The following NCOA3 variants were observed in gnomAD, a reference collection of about 807,000 sequenced individuals.
NCOA3 encodes nuclear receptor coactivator 3.
NCOA3 carries 51 observed loss-of-function variants against 158.8 expected under a neutral mutation model. That is an observed-to-expected ratio of 0.32 (90% CI 0.26 to 0.41). The LOEUF (loss-of-function observed/expected upper bound fraction) is 0.41, where lower values mean the gene tolerates loss of function less well. Among genes scored for constraint, NCOA3 ranks in the 10% least tolerant of loss-of-function variants. The pLI is 1.00. For missense variants in NCOA3, 1,510 were observed against 1,746.6 expected (o/e 0.86, Z 2.41); for synonymous variants, 537 against 592.4 (o/e 0.91, Z 1.36).
At chr20:47,596,064 C>A (rs866231456) in intron 2 of NCOA3, among the ~76,000 whole-genome samples, 11 of 152,154 alleles carry the variant, frequency 7.2e-5, no homozygotes, top group African/African-American at 2.7e-4. Context: ...GAAGGCTATT[C>A]TTGAACCCAC....
intron 2 of NCOA3, among the ~76,000 whole-genome samples, chr20:47,587,982 T>G (rs1343976102): frequency 6.6e-6 from 1 of 152,112 alleles, no homozygotes; most frequent in Non-Finnish European, 1.5e-5. Flanking sequence ...CAGAATTGGT[T>G]TTTTCATTTC....
Position 47,522,099 on chromosome 20 carries a change from C to CTTTTTTTTTTTTTTTTTTTT in NCOA3, c.-99+20084_-99+20103dup, listed in dbSNP as rs772811888. On this transcript the variant is annotated intron_variant, in intron 1 of 22. Transcript: ENST00000371998. ...GTTTTGTAGTTACCATTGTACAGAT[C>CTTTTTTTTTTTTTTTTTTTT]TTTTTTTTTTTTTTTTTTTTTTTGA... is the stretch of plus-strand genomic sequence containing the variant. Among the ~76,000 whole-genome samples, 45 of 76,834 alleles carry CTTTTTTTTTTTTTTTTTTTT rather than the reference C, an allele frequency of 5.9e-4. 3 individuals carry two copies. The highest frequency in any genetic ancestry group is 9.0e-4 in the Non-Finnish European group (37 of 40,954). The allele number at this position is 76,834 out of a possible 152,430, so 50.4% of individuals were successfully genotyped here.
rs1036703628 is a variant in NCOA3, at chr20:47,549,419, A to G, written c.-98-33764A>G. On this transcript the variant is annotated intron_variant, in intron 1 of 22. Transcript: ENST00000371998. ...TGGTTAAAAAAAAATTTATCTGGGCACAGGATGACAGGTACCTGCGGTCCC... is the reference window on the plus strand; with the variant it reads ...TGGTTAAAAAAAAATTTATCTGGGCGCAGGATGACAGGTACCTGCGGTCCC... 2.6e-5 allele frequency among the ~76,000 whole-genome samples: 4 copies of G among 151,722 alleles called. No individual in the cohort carries two copies. In the South Asian group the frequency reaches 8.4e-4, roughly 32 times the overall value.
At chr20:47,542,246 C>G (rs2084756338) in intron 1 of NCOA3, among the ~76,000 whole-genome samples, 1 of 150,040 alleles carries the variant, frequency 6.7e-6, no homozygotes, top group Non-Finnish European at 1.5e-5. Flanking sequence ...TGCTATGTTA[C>G]TCAGGCTGGT....
chr20:47,575,569 G>C (rs1028429181), intron 1 of NCOA3, among the ~76,000 whole-genome samples: 10 of 152,152 alleles, frequency 6.6e-5, no homozygotes, highest in African/African-American at 9.6e-5. Context: ...CCCTTCAGCA[G>C]TTATATTAAG....
chr20:47,524,318 A>G lies in NCOA3; in HGVS notation c.-99+22299A>G, dbSNP rs149686527. Among the ~76,000 whole-genome samples the G allele has an allele frequency of 1.3e-3, 192 of 152,350 alleles. 1 individual carries two copies. The highest frequency in any genetic ancestry group is 4.2e-3 in the African/African-American group (173 of 41,582). ...CTGTAAAGACTCCTGCATGTTAGAC[A>G]CACGGAGAGAGGGTAAGAGACCGAG... On this transcript the variant is annotated intron_variant, in intron 1 of 22. Transcript: ENST00000371998.
At chr20:47,567,162 C>T (rs192721355) in intron 1 of NCOA3, among the ~76,000 whole-genome samples, 1 of 151,926 alleles carries the variant, frequency 6.6e-6, no homozygotes, top group African/African-American at 2.4e-5. Flanking sequence ...ATTCTCCTGC[C>T]TCAGCCTCCC....
rs974211685 is a variant in NCOA3, at chr20:47,650,962, C to T, written c.3652-20C>T. On this transcript the variant is annotated intron_variant, in intron 19 of 22. Coordinates refer to ENST00000371998, the MANE Select transcript of NCOA3 (RefSeq NM_181659.3). ...GGTTCTTGCTATATATATGTAATTGCACTCTTTCTTGGGTATTAGCAGGGT... is the reference window on the plus strand; with the variant it reads ...GGTTCTTGCTATATATATGTAATTGTACTCTTTCTTGGGTATTAGCAGGGT... 6 of 1,608,778 alleles carry T rather than the reference C, an allele frequency of 3.7e-6. No individual in the cohort carries two copies. In the African/African-American group the frequency reaches 8.0e-5, roughly 22 times the overall value.
At chr20:47,572,151 G>A (rs1056468710) in intron 1 of NCOA3, among the ~76,000 whole-genome samples, 2 of 152,184 alleles carry the variant, frequency 1.3e-5, no homozygotes. Context: ...TTATGGTCTT[G>A]CTTTGGCTTA....
intron 1 of NCOA3, among the ~76,000 whole-genome samples, chr20:47,537,432 G>A (rs1259575876): frequency 1.3e-5 from 2 of 150,492 alleles, no homozygotes; most frequent in East Asian, 1.9e-4. Flanking sequence ...TGTGATAATC[G>A]GCGGGGGTGG....
At chr20:47,528,890 C>T (rs1602351787) in intron 1 of NCOA3, among the ~76,000 whole-genome samples, 1 of 152,162 alleles carries the variant, frequency 6.6e-6, no homozygotes, top group South Asian at 2.1e-4. Context: ...TCTTGTGCCT[C>T]AGCCTCCCAA....
chr20:47,634,075 C>T lies in NCOA3; in HGVS notation c.992C>T (p.Pro331Leu). 1 of 1,614,070 alleles carries T rather than the reference C, an allele frequency of 6.2e-7. No homozygotes were observed. The highest frequency in any genetic ancestry group is 2.2e-5 in the East Asian group (1 of 44,874). Residue 331 changes from proline (P) to leucine (L), a missense_variant, in exon 10 of 23, where the codon CCA becomes CTA. This residue lies in a region of NCOA3 where 309 missense variants were observed against 427.1 expected (regional missense o/e 0.72). Coordinates refer to ENST00000371998, the MANE Select transcript of NCOA3 (RefSeq NM_181659.3). ...TATCTTAATGGCCATGCAGAAACCC[C>T]AGTATATCGATTCTCGTTGGCTGAT... ...EAYLNGHAET[P>L]VYRFSLADGT...
chr20:47,595,638 G>GA (rs1358139323), intron 2 of NCOA3, among the ~76,000 whole-genome samples: 2 of 150,572 alleles, frequency 1.3e-5, no homozygotes, highest in East Asian at 1.9e-4. Context: ...GAGATTCCAT[G>GA]AAAAAAATAA....
At chr20:47,531,767 G>C (rs1030513219) in intron 1 of NCOA3, among the ~76,000 whole-genome samples, 30 of 152,074 alleles carry the variant, frequency 2.0e-4, no homozygotes, top group African/African-American at 7.2e-4. Flanking sequence ...TTTCCGTCTG[G>C]CTTGTAACCT....
intron 1 of NCOA3, among the ~76,000 whole-genome samples, chr20:47,552,862 G>A (rs902128804): frequency 6.6e-6 from 1 of 151,820 alleles, no homozygotes; most frequent in Non-Finnish European, 1.5e-5. Context: ...GAGATGAGAA[G>A]CATTACTGTA....
chr20:47,538,366 A>C (rs562360992), intron 1 of NCOA3, among the ~76,000 whole-genome samples: 7 of 152,160 alleles, frequency 4.6e-5, no homozygotes, highest in Non-Finnish European at 1.0e-4. Flanking sequence ...TGGGGTAGAG[A>C]GTAGTGGTGA....
chr20:47,653,467 C>A lies in NCOA3; in HGVS notation c.*50C>A. ...GGAAACCACTGTACAAATGACACTG[C>A]ACTAGGATTATTGGGAAGGAATCAT... On this transcript the variant is annotated 3_prime_UTR_variant, in exon 23 of 23. Coordinates refer to ENST00000371998, the MANE Select transcript of NCOA3 (RefSeq NM_181659.3). 1 of 1,585,924 alleles carries A rather than the reference C, an allele frequency of 6.3e-7. No homozygotes were observed. The highest frequency in any genetic ancestry group is 8.6e-7 in the Non-Finnish European group (1 of 1,160,786).
At chr20:47,630,176 A>G (rs2086390091) in intron 8 of NCOA3, 1 of 152,078 alleles carries the variant, frequency 6.6e-6, no homozygotes, top group African/African-American at 2.4e-5. Context: ...GTGCACAGGT[A>G]TTTACTCTTT....
chr20:47,656,236 C>CGGAAGTTACATTGTTAATGTTCATA lies in NCOA3; in HGVS notation c.*2820_*2844dup, dbSNP rs1308124156. The CGGAAGTTACATTGTTAATGTTCATA allele has an allele frequency of 6.7e-6, 1 of 148,228 alleles. No homozygotes were observed. Among genetic ancestry groups the CGGAAGTTACATTGTTAATGTTCATA allele is most frequent in the Non-Finnish European group, 1.5e-5 (1 of 67,324 alleles). 9.2% of individuals were successfully genotyped at this position (148,228 alleles called of 1,614,324 possible). A position where few individuals can be genotyped will look rare whatever the true frequency, so the allele number is the denominator to read the frequency against. On this transcript the variant is annotated 3_prime_UTR_variant, in exon 23 of 23. Transcript: ENST00000371998. Reference sequence around the variant, plus strand: ...CATGTTTCTTCCTTTAAAAAATAAACGGAAGTTACATTGTTAATGTTCATA... The same window carrying CGGAAGTTACATTGTTAATGTTCATA: ...CATGTTTCTTCCTTTAAAAAATAAACGGAAGTTACATTGTTAATGTTCATAGGAAGTTACATTGTTAATGTTCATA...
Sources: allele counts gnomAD v4.1 joint callset (sites outside exome capture counted in the v4.1 genomes callset), GRCh38; gene constraint gnomAD v4.1.1; regional missense constraint gnomAD v4.1.1; transcripts MANE v1.5; gene names NCBI Gene and HGNC (gene_info 2026-07-23, HGNC 2026-07-21).